Variants in GRIN2A observed in about 807,000 individuals in gnomAD.
GRIN2A encodes glutamate ionotropic receptor NMDA type subunit 2A.
GRIN2A carries 22 observed loss-of-function variants against 113.4 expected under a neutral mutation model. The ratio of observed to expected loss-of-function variants is 0.19; its 90% CI spans 0.14 to 0.28. The LOEUF (loss-of-function observed/expected upper bound fraction) is 0.28. Among genes scored for constraint, GRIN2A ranks in the 10% least tolerant of loss-of-function variants. The pLI, the probability that GRIN2A is intolerant of heterozygous loss-of-function variation, is 1.00. For missense variants in GRIN2A, 1,502 were observed against 1,887.0 expected (o/e 0.80, Z 3.78); for synonymous variants, 827 against 738.4 (o/e 1.12, Z -1.94).
At chr16:10,149,437 A>G (rs909570291) in intron 2 of GRIN2A, among the ~76,000 whole-genome samples, 2 of 152,254 alleles carry the variant, frequency 1.3e-5, no homozygotes, top group African/African-American at 4.8e-5. Flanking sequence ...TGGGTGAAGC[A>G]TATACTGAAA....
intron 4 of GRIN2A, among the ~76,000 whole-genome samples, chr16:9,877,218 T>G (rs2043385614): frequency 6.6e-6 from 1 of 152,180 alleles, no homozygotes; most frequent in South Asian, 2.1e-4. Flanking sequence ...GCGGCTAAAG[T>G]GAAATAATAA....
At chr16:9,900,362 C>T (rs905751110) in intron 3 of GRIN2A, among the ~76,000 whole-genome samples, 2 of 152,206 alleles carry the variant, frequency 1.3e-5, no homozygotes, top group African/African-American at 4.8e-5. Context: ...AGCCTGTAAT[C>T]CATGTGCCAC....
At chr16:9,879,749 G>C (rs528963321) in intron 4 of GRIN2A, among the ~76,000 whole-genome samples, 1 of 152,256 alleles carries the variant, frequency 6.6e-6, no homozygotes, top group South Asian at 2.1e-4. Context: ...CCCTCCATTT[G>C]CAAAAGAGGG....
chr16:9,862,032 G>T (rs2043078030), intron 4 of GRIN2A, among the ~76,000 whole-genome samples: 1 of 152,182 alleles, frequency 6.6e-6, no homozygotes, highest in Admixed American at 6.5e-5. Context: ...CTGGGATAAG[G>T]TGTGGGATCC....
chr16:9,980,666 G>C (rs140473626), intron 2 of GRIN2A, among the ~76,000 whole-genome samples: 2,369 of 152,164 alleles, frequency 0.016, 41 homozygotes, highest in Non-Finnish European at 0.022. Flanking sequence ...CATAAAACAG[G>C]ATGAGTTCAT....
intron 2 of GRIN2A, among the ~76,000 whole-genome samples, chr16:10,065,769 C>A (rs557355414): frequency 6.6e-6 from 1 of 152,210 alleles, no homozygotes; most frequent in Admixed American, 6.5e-5. Context: ...TTACTCCAAC[C>A]CCATCTCAAG....
At chr16:10,058,279 C>A (rs193116767) in intron 2 of GRIN2A, among the ~76,000 whole-genome samples, 15 of 140,258 alleles carry the variant, frequency 1.1e-4, no homozygotes, top group African/African-American at 3.7e-4. Flanking sequence ...ACAAAAAAAC[C>A]AAAAAACAAA....
intron 2 of GRIN2A, among the ~76,000 whole-genome samples, chr16:10,075,786 G>A (rs566306016): frequency 7.9e-5 from 12 of 152,040 alleles, no homozygotes; most frequent in African/African-American, 1.9e-4. Flanking sequence ...CATTCATCTC[G>A]TCAATATCTA....
intron 4 of GRIN2A, among the ~76,000 whole-genome samples, chr16:9,882,347 A>G (rs2043497280): frequency 6.6e-6 from 1 of 152,204 alleles, no homozygotes; most frequent in Admixed American, 6.5e-5. Flanking sequence ...CAAGAGAGCA[A>G]TCATAGCTTT....
chr16:9,807,429 AAGAGAGACAGAGAC>A (rs2042003946), intron 10 of GRIN2A, among the ~76,000 whole-genome samples: 2 of 122,192 alleles, frequency 1.6e-5, no homozygotes, highest in South Asian at 5.0e-4. Flanking sequence ...GACAGAGAGA[AAGAGAGACAGAGAC>A]AGAGAGAGAG....
intron 2 of GRIN2A, among the ~76,000 whole-genome samples, chr16:9,999,961 T>C (rs1288507265): frequency 3.9e-5 from 6 of 152,156 alleles, no homozygotes; most frequent in African/African-American, 1.4e-4. Flanking sequence ...CCTCCAGAAC[T>C]CTAGGAAAGA....
chr16:9,886,609 A>C (rs2043591104), intron 4 of GRIN2A, among the ~76,000 whole-genome samples: 1 of 152,204 alleles, frequency 6.6e-6, no homozygotes, highest in African/African-American at 2.4e-5. Flanking sequence ...TCTTGAGTAC[A>C]GAAAATATTT....
chr16:10,122,834 A>C (rs1274543175), intron 2 of GRIN2A, among the ~76,000 whole-genome samples: 1 of 152,150 alleles, frequency 6.6e-6, no homozygotes, highest in Non-Finnish European at 1.5e-5. Context: ...CATCTATGCA[A>C]CCACTCATTA....
intron 2 of GRIN2A, among the ~76,000 whole-genome samples, chr16:10,035,912 C>T (rs926768970): frequency 1.3e-5 from 2 of 151,994 alleles, no homozygotes; most frequent in Admixed American, 6.6e-5. Context: ...TTAGCAGAGA[C>T]GGGGTTTCAC....
chr16:9,952,121 T>C (rs1313896088), intron 2 of GRIN2A, among the ~76,000 whole-genome samples: 1 of 152,062 alleles, frequency 6.6e-6, no homozygotes, highest in Non-Finnish European at 1.5e-5. Flanking sequence ...TGTGGAGGGT[T>C]CACTGGCCTC....
chr16:9,823,772 T>C (rs1038002549), intron 9 of GRIN2A, among the ~76,000 whole-genome samples: 3 of 152,188 alleles, frequency 2.0e-5, no homozygotes, highest in African/African-American at 7.2e-5. Flanking sequence ...TACCAAGCAG[T>C]GGCCCAGAAT....
chr16:9,915,292 G>A (rs914186426), intron 3 of GRIN2A, among the ~76,000 whole-genome samples: 2 of 151,868 alleles, frequency 1.3e-5, no homozygotes, highest in Admixed American at 1.3e-4. Context: ...TACAAGTCAG[G>A]GAAATAAGAA....
intron 4 of GRIN2A, among the ~76,000 whole-genome samples, chr16:9,887,901 A>G (rs532163132): frequency 2.4e-4 from 36 of 152,294 alleles, no homozygotes; most frequent in Non-Finnish European, 3.8e-4. Flanking sequence ...TACCAAAAAT[A>G]TAAAAAATTA....
intron 11 of GRIN2A, among the ~76,000 whole-genome samples, chr16:9,791,237 G>T (rs1485363902): frequency 6.6e-6 from 1 of 152,110 alleles, no homozygotes; most frequent in Non-Finnish European, 1.5e-5. Context: ...ATTCACAGAG[G>T]AGCGCAGAGG....
Sources: allele counts gnomAD v4.1 joint callset (sites outside exome capture counted in the v4.1 genomes callset), GRCh38; gene constraint gnomAD v4.1.1; transcripts MANE v1.5; gene names NCBI Gene and HGNC (gene_info 2026-07-23, HGNC 2026-07-21).